DAB2IP: variants seen among roughly 807,000 people sequenced by gnomAD.
DAB2IP encodes the protein disabled homolog 2-interacting protein.
Under a neutral mutation model 107.2 loss-of-function variants are expected in DAB2IP, and 28 were observed. The ratio of observed to expected loss-of-function variants is 0.26; its 90% CI spans 0.19 to 0.36. The LOEUF is 0.36. Ranked by LOEUF, DAB2IP falls within the 10% of genes least tolerant of loss-of-function variation. The pLI, the probability that DAB2IP is intolerant of heterozygous loss-of-function variation, is 1.00. For synonymous variants in DAB2IP, 755 were observed against 706.4 expected (o/e 1.07, Z -1.09); for missense variants, 1,400 against 1,644.7 (o/e 0.85, Z 2.57).
chr9:121,722,974 T>G (rs1321377513), intron 3 of DAB2IP, among the ~76,000 whole-genome samples: 1 of 152,244 alleles, frequency 6.6e-6, no homozygotes, highest in East Asian at 1.9e-4. Context: ...GACTTTTTTC[T>G]GTGGCCAATG....
chr9:121,639,746 G>A (rs2119031503), intron 1 of DAB2IP, among the ~76,000 whole-genome samples: 1 of 152,332 alleles, frequency 6.6e-6, no homozygotes, highest in East Asian at 1.9e-4. Context: ...CTGCAGTTTG[G>A]ACAAAGCAGA....
chr9:121,663,470 C>A (rs1052860406), intron 1 of DAB2IP, among the ~76,000 whole-genome samples: 3 of 152,158 alleles, frequency 2.0e-5, no homozygotes, highest in Admixed American at 6.6e-5. Flanking sequence ...TGAGGATCCT[C>A]CGGGCAGGAA....
At chr9:121,770,777 C>T in intron 11 of DAB2IP, 53 bp downstream of exon 11, 2 of 1,590,656 alleles carry the variant, frequency 1.3e-6, no homozygotes, top group Non-Finnish European at 8.6e-7. Flanking sequence ...AGACTAGGCA[C>T]AGCCCATCTG....
chr9:121,748,131 T>C (rs1017891506), intron 3 of DAB2IP, among the ~76,000 whole-genome samples: 6 of 152,314 alleles, frequency 3.9e-5, no homozygotes, highest in African/African-American at 1.4e-4. Flanking sequence ...TTATGGTCCC[T>C]TATGTTCTAG....
intron 1 of DAB2IP, among the ~76,000 whole-genome samples, chr9:121,617,175 AT>A (rs1365560717): frequency 2.0e-5 from 3 of 152,100 alleles, no homozygotes; most frequent in Admixed American, 6.5e-5. Flanking sequence ...AAGTACAAAA[AT>A]TAGCCAGGCA....
intron 1 of DAB2IP, among the ~76,000 whole-genome samples, chr9:121,570,639 C>T (rs1242583244): frequency 2.6e-5 from 4 of 152,134 alleles, no homozygotes; most frequent in East Asian, 1.9e-4. Context: ...GCTTCGAACT[C>T]CTGGGTGTAA....
chr9:121,721,626 G>GT (rs1564178921), intron 3 of DAB2IP, among the ~76,000 whole-genome samples: 4 of 152,190 alleles, frequency 2.6e-5, no homozygotes, highest in African/African-American at 9.7e-5. Context: ...AAATCTAGAG[G>GT]TTTTTTTGTG....
At chr9:121,613,486 G>A (rs1831163302) in intron 1 of DAB2IP, among the ~76,000 whole-genome samples, 1 of 152,128 alleles carries the variant, frequency 6.6e-6, no homozygotes, top group Non-Finnish European at 1.5e-5. Context: ...GAAGTGGCCC[G>A]GTGCCTTTTT....
Position 121,768,153 on chromosome 9 carries a change from T to C in DAB2IP, c.1698-279T>C, listed in dbSNP as rs145132125. Among the ~76,000 whole-genome samples, 31 of 152,164 alleles carry C rather than the reference T, an allele frequency of 2.0e-4. No homozygotes were observed. The East Asian group carries it at 5.0e-3, about 25-fold the overall frequency. ...CATCTGCATACCAGGGCAGTGAAACTTGGAGGAAAAGCCGAAGGACACTGT... is the reference window on the plus strand; with the variant it reads ...CATCTGCATACCAGGGCAGTGAAACCTGGAGGAAAAGCCGAAGGACACTGT... On this transcript the variant is annotated intron_variant, in intron 9 of 15. Coordinates refer to ENST00000408936, the Ensembl canonical transcript of DAB2IP.
chr9:121,615,534 G>A (rs1831240403), intron 1 of DAB2IP, among the ~76,000 whole-genome samples: 1 of 152,176 alleles, frequency 6.6e-6, no homozygotes, highest in African/African-American at 2.4e-5. Flanking sequence ...CACCTCTTGG[G>A]TCAATTGGCA....
intron 6 of DAB2IP, among the ~76,000 whole-genome samples, chr9:121,761,275 GA>G (rs2118973142): frequency 6.6e-6 from 1 of 152,360 alleles, no homozygotes; most frequent in Admixed American, 6.5e-5. Flanking sequence ...GCTGGCCAAA[GA>G]GGGTGGGAAA....
At chr9:121,695,510 G>A (rs1267866120) in intron 2 of DAB2IP, among the ~76,000 whole-genome samples, 2 of 152,126 alleles carry the variant, frequency 1.3e-5, no homozygotes, top group East Asian at 3.8e-4. Context: ...TCCAGTAATC[G>A]GCCCACAGCT....
chr9:121,640,004 G>T (rs1832223617), intron 1 of DAB2IP, among the ~76,000 whole-genome samples: 1 of 152,190 alleles, frequency 6.6e-6, no homozygotes, highest in African/African-American at 2.4e-5. Flanking sequence ...TCCAAGATCT[G>T]AAGTTCTGGG....
At chr9:121,695,448 A>C (rs1829372958) in intron 2 of DAB2IP, among the ~76,000 whole-genome samples, 1 of 152,224 alleles carries the variant, frequency 6.6e-6, no homozygotes, top group Non-Finnish European at 1.5e-5. Flanking sequence ...CCCATAAAGT[A>C]GGTATCATCA....
rs186101367 is a variant in DAB2IP, at chr9:121,770,721, C to G, written c.2075C>G (p.Ser692Cys). 4.9e-5 allele frequency: 79 copies of G among 1,613,866 alleles called. 1 individual carries two copies. In the East Asian group the frequency reaches 1.7e-3, roughly 35 times the overall value. The change falls in exon 11 of 16, where the codon TCC becomes TGC. Residue 692 changes from serine to cysteine, a missense_variant. Coordinates refer to ENST00000408936, the Ensembl canonical transcript of DAB2IP. ...AAGATGGTGATTGAGAACGATCTTT[C>G]CGGGTAAGAGCTGCCAGCCATGTTG...
rs962649092 is a variant in DAB2IP at position 121,633,230 on chromosome 9, G to A, written c.41-45448G>A. Among the ~76,000 whole-genome samples, 7 of 152,152 alleles carry A rather than the reference G, an allele frequency of 4.6e-5. No homozygotes were observed. The highest frequency in any genetic ancestry group is 9.7e-5 in the African/African-American group (4 of 41,434). On this transcript the variant is annotated intron_variant, in intron 1 of 16. Coordinates refer to the DAB2IP transcript ENST00000259371. This position sits in a 1 kb window ranked among gnomAD's most constrained non-coding sequence, Gnocchi z 5.1. ...GTTTGACATGAACAATACAATAAAC[G>A]CAGCTTCTAAATTGGGTCAGGGAAG...
intron 11 of DAB2IP, among the ~76,000 whole-genome samples, chr9:121,771,357 T>C (rs1473322217): frequency 6.6e-6 from 1 of 152,158 alleles, no homozygotes; most frequent in Non-Finnish European, 1.5e-5. Context: ...CTCTCCCCTC[T>C]CCCGCCAGTG....
At chr9:121,740,679 A>C (rs934187459) in intron 3 of DAB2IP, among the ~76,000 whole-genome samples, 8 of 152,206 alleles carry the variant, frequency 5.3e-5, no homozygotes, top group African/African-American at 1.9e-4. Flanking sequence ...CAGGGTTGGC[A>C]TACACAGCTG....
At position 121,763,524 on chromosome 9, in the gene DAB2IP, T is replaced by C. The variant is rs1834048881; in HGVS notation, c.1190T>C (p.Met397Thr). The change falls in exon 7 of 16, where the codon ATG (methionine) becomes ACG (threonine). Residue 397 changes from methionine to threonine, a missense_variant. By Grantham distance (81) the Met-to-Thr change is moderately conservative. Around this residue, in one of 3 missense-constraint regions of DAB2IP, gnomAD observed 517 missense variants for 748.6 expected, o/e 0.69. Coordinates refer to ENST00000408936, the Ensembl canonical transcript of DAB2IP. ...CCCCAGGACTTCCTGACAGACCTGATGATGTCAGAGGTGGACCGCTGCGGG... is the reference window on the plus strand; with the variant it reads ...CCCCAGGACTTCCTGACAGACCTGACGATGTCAGAGGTGGACCGCTGCGGG... 1.9e-6 allele frequency: 3 copies of C among 1,613,464 alleles called. No homozygotes were observed. The highest frequency in any genetic ancestry group is 1.3e-5 in the African/African-American group (1 of 74,946).
Sources: gnomAD v4.1 joint callset for allele counts (sites outside exome capture counted in the v4.1 genomes callset) on GRCh38, gnomAD v4.1.1 for gene constraint, gnomAD v4.1.1 regional missense constraint, Gnocchi (gnomAD v3.1) non-coding constraint, MANE v1.5 for transcripts, NCBI Gene and HGNC (gene_info 2026-07-23, HGNC 2026-07-21) for gene names.